The following CNTLN variants were observed in gnomAD, a reference collection of about 807,000 sequenced individuals.
The protein encoded by CNTLN is centlein, centrosomal protein.
Under a neutral mutation model 180.0 loss-of-function variants are expected in CNTLN, and 212 were observed. The ratio of observed to expected loss-of-function variants is 1.18; its 90% CI spans 1.05 to 1.32. The LOEUF is 1.32. CNTLN is among the 40% of genes most tolerant of loss of function. The probability of loss-of-function intolerance (pLI) is 0.00; values close to 1 mark genes in which losing one functional copy is unlikely to be tolerated. For missense variants in CNTLN, 2,095 were observed against 1,610.9 expected, an observed-to-expected ratio of 1.30 and a Z score of -5.14; for synonymous variants, 722 against 563.1, an observed-to-expected ratio of 1.28 and a Z score of -3.99.
intron 12 of CNTLN, 75 bp downstream of exon 12, chr9:17,342,519 A>G (rs10756869): frequency 0.57 from 747,519 of 1,308,910 alleles, 219,253 homozygotes; most frequent in Non-Finnish European, 0.61. Context: ...AAAAGCTATT[A>G]AAGAAACACT....
intron 7 of CNTLN, chr9:17,302,140 A>T: frequency 1.0e-6 from 1 of 975,886 alleles, no homozygotes; most frequent in Non-Finnish European, 1.2e-6. Context: ...ACACTGACCT[A>T]TCCACCCAGG....
chr9:17,183,188 A>AT (rs1260927473), intron 2 of CNTLN, among the ~76,000 whole-genome samples: 1 of 152,104 alleles, frequency 6.6e-6, no homozygotes, highest in African/African-American at 2.4e-5. Context: ...TCATTTACAT[A>AT]TTTTTTTGAG....
Position 17,330,535 on chromosome 9 carries a change from C to T in CNTLN, c.1342-97C>T, listed in dbSNP as rs142304206. The T allele has an allele frequency of 4.0e-3, 2,558 of 645,108 alleles. 64 individuals are homozygous for T. The African/African-American group carries it at 0.043, about 11-fold the overall frequency. 40.0% of individuals were successfully genotyped at this position (645,108 alleles called of 1,614,324 possible). A position where few individuals can be genotyped will look rare whatever the true frequency, so the allele number is the denominator to read the frequency against. On this transcript the variant is annotated intron_variant, in intron 8 of 25. Transcript: ENST00000380647. ...GAAAATTTCCTTCTCTGAATATTTACAATTTCTATAATATAGTGTTACATT... is the reference window on the plus strand; with the variant it reads ...GAAAATTTCCTTCTCTGAATATTTATAATTTCTATAATATAGTGTTACATT...
Position 17,135,162 on chromosome 9 carries a change from G to C in CNTLN, c.97G>C (p.Ala33Pro), listed in dbSNP as rs1306530537. The C allele has an allele frequency of 6.2e-7, 1 of 1,609,450 alleles. No individual in the cohort carries two copies. Among genetic ancestry groups the C allele is most frequent in the East Asian group, 2.2e-5 (1 of 44,716 alleles). ...PRVGRGAEVHAMRSEASGFAG... is the reference protein window; with the variant it reads ...PRVGRGAEVHPMRSEASGFAG... Reference sequence around the variant, plus strand: ...TGTTGGGCGGGGAGCTGAAGTACACGCAATGCGCAGCGAGGCCTCGGGTTT... The same window carrying C: ...TGTTGGGCGGGGAGCTGAAGTACACCCAATGCGCAGCGAGGCCTCGGGTTT... Residue 33 changes from alanine to proline, a missense_variant, in exon 1 of 26, where the codon GCA becomes CCA. Transcript: ENST00000380647.
intron 2 of CNTLN, among the ~76,000 whole-genome samples, chr9:17,149,334 G>C (rs929650903): frequency 6.6e-6 from 1 of 151,956 alleles, no homozygotes; most frequent in Non-Finnish European, 1.5e-5. Context: ...TACATGCCTA[G>C]TAATGGGATT....
At chr9:17,143,102 A>G (rs1818218607) in intron 1 of CNTLN, among the ~76,000 whole-genome samples, 186 bp from the exon 2 acceptor site, 1 of 152,228 alleles carries the variant, frequency 6.6e-6, no homozygotes, top group East Asian at 1.9e-4. Flanking sequence ...GTAAAAGTGA[A>G]TATGGATTAT....
chr9:17,325,378 A>ATGTG lies in CNTLN; in HGVS notation c.1342-5222_1342-5219dup, dbSNP rs74311460. ...GAAAAGTGTGTGTGCATGTGTATGT[A>ATGTG]TGTGTGTGTGTGTGTGTGTGTGTGT... On this transcript the variant is annotated intron_variant, in intron 8 of 25. Coordinates refer to ENST00000380647, the MANE Select transcript of CNTLN (RefSeq NM_017738.4). Among the ~76,000 whole-genome samples the ATGTG allele has an allele frequency of 8.0e-3, 1,020 of 128,134 alleles. 6 individuals carry two copies. The highest frequency in any genetic ancestry group is 0.021 in the African/African-American group (695 of 33,104). 84.1% of individuals were successfully genotyped at this position (128,134 alleles called of 152,430 possible). A position where few individuals can be genotyped will look rare whatever the true frequency, so the allele number is the denominator to read the frequency against.
chr9:17,356,382 C>G (rs1822852090), intron 12 of CNTLN, among the ~76,000 whole-genome samples: 1 of 152,100 alleles, frequency 6.6e-6, no homozygotes, highest in African/African-American at 2.4e-5. Flanking sequence ...ATAAGATTAA[C>G]CTAAAACCTA....
At position 17,438,621 on chromosome 9, in the gene CNTLN, T is replaced by A. The variant is rs184209373; in HGVS notation, c.3115-18903T>A. ...TTAAAAAGAAACTAAATCCTTAGGA[T>A]CTAAAATCAACAACAGCTTATCGTT... On this transcript the variant is annotated intron_variant, in intron 18 of 25. Transcript: ENST00000380647. 1.5e-3 allele frequency among the ~76,000 whole-genome samples: 227 copies of A among 152,244 alleles called. 2 individuals carry two copies. Among genetic ancestry groups the A allele is most frequent in the Middle Eastern group, 3.4e-3 (1 of 294 alleles).
chr9:17,402,562 A>C (rs1419426495), intron 15 of CNTLN, among the ~76,000 whole-genome samples: 1 of 151,856 alleles, frequency 6.6e-6, no homozygotes, highest in Non-Finnish European at 1.5e-5. Flanking sequence ...ATTAACATTT[A>C]AATCAGTGAG....
At chr9:17,141,029 T>C (rs1818052500) in intron 1 of CNTLN, among the ~76,000 whole-genome samples, 1 of 152,208 alleles carries the variant, frequency 6.6e-6, no homozygotes, top group Non-Finnish European at 1.5e-5. Flanking sequence ...AGCAACAGAC[T>C]GGGAAGAATA....
chr9:17,251,783 C>T (rs561058664), intron 5 of CNTLN, among the ~76,000 whole-genome samples: 8 of 151,918 alleles, frequency 5.3e-5, no homozygotes, highest in Admixed American at 3.9e-4. Context: ...ATACATGTGA[C>T]GTTGTTCCCA....
intron 2 of CNTLN, among the ~76,000 whole-genome samples, chr9:17,191,306 G>A (rs1269169795): frequency 6.6e-6 from 1 of 152,176 alleles, no homozygotes; most frequent in South Asian, 2.1e-4. Context: ...ATGATGCCAT[G>A]CAAGGAATGT....
intron 5 of CNTLN, among the ~76,000 whole-genome samples, chr9:17,242,948 A>G (rs1825586478): frequency 6.6e-6 from 1 of 152,114 alleles, no homozygotes; most frequent in South Asian, 2.1e-4. Flanking sequence ...AGTTTGGTAG[A>G]AATCAGCGGT....
chr9:17,150,406 G>A (rs1818778008), intron 2 of CNTLN, among the ~76,000 whole-genome samples: 1 of 152,186 alleles, frequency 6.6e-6, no homozygotes, highest in African/African-American at 2.4e-5. Context: ...ATTAAATAGG[G>A]AATCTTTTCC....
Position 17,274,293 on chromosome 9 carries a change from A to G in CNTLN, c.983+427A>G, listed in dbSNP as rs137865866. Among the ~76,000 whole-genome samples the G allele has an allele frequency of 5.1e-4, 75 of 148,318 alleles. 2 individuals are homozygous for G. The highest frequency in any genetic ancestry group is 1.4e-3 in the African/African-American group (54 of 37,850). On this transcript the variant is annotated intron_variant, in intron 6 of 25. Transcript: ENST00000380647. ...TCAACATAATTGATTTTGTAATACT[A>G]TTCATAAAGTTGGATTACTTGAAAA... is the stretch of plus-strand genomic sequence containing the variant.
At position 17,411,945 on chromosome 9, in the gene CNTLN, C is replaced by T. The variant is rs189664625; in HGVS notation, c.2796+2472C>T. Among the ~76,000 whole-genome samples the T allele has an allele frequency of 9.9e-5, 15 of 152,262 alleles. No individual in the cohort carries two copies. The East Asian group carries it at 2.9e-3, about 29-fold the overall frequency. Reference sequence around the variant, plus strand: ...CCATTCAGCATTGAAATGCCTTTCCCTTCTGAGCAAGATAATTTCAGAGGC... The same window carrying T: ...CCATTCAGCATTGAAATGCCTTTCCTTTCTGAGCAAGATAATTTCAGAGGC... On this transcript the variant is annotated intron_variant, in intron 16 of 25. Coordinates refer to ENST00000380647, the MANE Select transcript of CNTLN (RefSeq NM_017738.4).
At chr9:17,515,551 C>T in the CNTLN span, among the ~76,000 whole-genome samples, 14 of 152,116 alleles carry the variant, frequency 9.2e-5, no homozygotes, top group African/African-American at 2.7e-4. Flanking sequence ...TGCTGCATTC[C>T]TATCACTCCC....
intron 25 of CNTLN, among the ~76,000 whole-genome samples, chr9:17,495,731 C>T (rs1833417029): frequency 6.6e-6 from 1 of 152,148 alleles, no homozygotes; most frequent in Non-Finnish European, 1.5e-5. Context: ...CACATTTACT[C>T]ACCGCTCACT....
Sources: allele counts gnomAD v4.1 joint callset (sites outside exome capture counted in the v4.1 genomes callset), GRCh38; gene constraint gnomAD v4.1.1; transcripts MANE v1.5; gene names NCBI Gene and HGNC (gene_info 2026-07-23, HGNC 2026-07-21).